Variants in NR2F2 observed in about 807,000 individuals in gnomAD.
NR2F2 encodes COUP transcription factor 2.
A neutral mutation model predicts 34.8 loss-of-function variants in NR2F2; 2 were observed. That is an observed-to-expected ratio of 0.06 (90% CI 0.02 to 0.18). The LOEUF (loss-of-function observed/expected upper bound fraction) is 0.18. Ranked by LOEUF, NR2F2 falls within the 10% of genes least tolerant of loss-of-function variation. The pLI, the probability that NR2F2 is intolerant of heterozygous loss-of-function variation, is 1.00. For missense variants in NR2F2, 300 were observed against 580.1 expected (o/e 0.52, Z 4.96); for synonymous variants, 274 against 251.8 (o/e 1.09, Z -0.84).
chr15:96,331,737 C>T lies in NR2F2; in HGVS notation c.-369C>T. 1 of 1,054,026 alleles carries T rather than the reference C, an allele frequency of 9.5e-7. No individual in the cohort carries two copies. The highest frequency in any genetic ancestry group is 1.2e-6 in the Non-Finnish European group (1 of 833,176). The allele number at this position is 1,054,026 out of a possible 1,614,324, so 65.3% of individuals were successfully genotyped here. ...TTCTGTCTTGAAGCCAGACAATCGA[C>T]TTCAGCTCTCCCTCCCCTCCCTCTT... On this transcript the variant is annotated 5_prime_UTR_variant, in exon 1 of 3. Coordinates refer to ENST00000394166, the MANE Select transcript of NR2F2 (RefSeq NM_021005.4).
chr15:96,327,826 G>A (rs1325019872), upstream of NR2F2, among the ~76,000 whole-genome samples: 2 of 152,176 alleles, frequency 1.3e-5, no homozygotes, highest in African/African-American at 2.4e-5. Context: ...ATTCCTGGGT[G>A]TTGAGTTTCT....
chr15:96,329,999 A>G (rs1330170899), upstream of NR2F2, among the ~76,000 whole-genome samples: 3 of 152,178 alleles, frequency 2.0e-5, no homozygotes, highest in Non-Finnish European at 2.9e-5. Context: ...TATATATGTC[A>G]CCAAACCGAA....
rs1319378417 is a variant in NR2F2 at position 96,339,543 on chromosome 15, G to A, written c.*1921G>A. The A allele has an allele frequency of 6.6e-6, 1 of 152,010 alleles. No individual in the cohort carries two copies. The highest frequency in any genetic ancestry group is 1.5e-5 in the Non-Finnish European group (1 of 68,022). The allele number at this position is 152,010 out of a possible 1,614,324, so 9.4% of individuals were successfully genotyped here. On this transcript the variant is annotated 3_prime_UTR_variant, in exon 3 of 3. Coordinates refer to ENST00000394166, the MANE Select transcript of NR2F2 (RefSeq NM_021005.4). ...GGAGTTATGTACATAAAAACACATC[G>A]ACATTTTGACATTTCAGATTGTGTG...
At position 96,331,774 on chromosome 15, in the gene NR2F2, T is replaced by C. The variant is rs1899151468; in HGVS notation, c.-332T>C. The stretch of plus-strand genomic sequence containing the variant: ...CTCCCCTCCCTCTTTCTCCACGTTC[T>C]GCTCCCACTCGCTCTCCTGTCCCCT... On this transcript the variant is annotated 5_prime_UTR_variant, in exon 1 of 3. Coordinates refer to ENST00000394166, the MANE Select transcript of NR2F2 (RefSeq NM_021005.4). 1 of 1,176,918 alleles carries C rather than the reference T, an allele frequency of 8.5e-7. No individual in the cohort carries two copies. Among genetic ancestry groups the C allele is most frequent in the Non-Finnish European group, 1.1e-6 (1 of 945,984 alleles). 72.9% of individuals were successfully genotyped at this position (1,176,918 alleles called of 1,614,324 possible).
chr15:96,331,368 G>A lies in NR2F2; in HGVS notation c.-738G>A. ...TTCATGCTGATTCCCCCGGACCCGG[G>A]CAGCGCTCCGGCCACTCCGCGGGCC... On this transcript the variant is annotated 5_prime_UTR_variant, in exon 1 of 3. Transcript: ENST00000394166. 1 of 1,220,216 alleles carries A rather than the reference G, an allele frequency of 8.2e-7. No homozygotes were observed. Among genetic ancestry groups the A allele is most frequent in the Non-Finnish European group, 1.0e-6 (1 of 980,690 alleles). 75.6% of individuals were successfully genotyped at this position (1,220,216 alleles called of 1,614,324 possible). A position where few individuals can be genotyped will look rare whatever the true frequency, so the allele number is the denominator to read the frequency against.
Position 96,334,288 on chromosome 15 carries a change from A to G in NR2F2, c.655A>G (p.Met219Val). Residue 219 changes from methionine to valine, a missense_variant, in exon 2 of 3, where the codon ATG (methionine) becomes GTG (valine). Met to Val is a conservative substitution (Grantham distance 21). Coordinates refer to ENST00000394166, the MANE Select transcript of NR2F2 (RefSeq NM_021005.4). Reference protein sequence around the residue: ...IENICELAARMLFSAVEWARN... With the variant: ...IENICELAARVLFSAVEWARN... ...GAACATTTGCGAACTGGCCGCGAGG[A>G]TGCTCTTCAGCGCCGTCGAGTGGGC... 6.2e-7 allele frequency: 1 copy of G among 1,614,206 alleles called. No homozygotes were observed. Among genetic ancestry groups the G allele is most frequent in the Non-Finnish European group, 8.5e-7 (1 of 1,180,042 alleles).
chr15:96,334,678 C>T, intron 2 of NR2F2, 75 bp downstream of exon 2: 1 of 1,481,220 alleles, frequency 6.8e-7, no homozygotes, highest in Non-Finnish European at 9.1e-7. Flanking sequence ...TTGGGAGTCC[C>T]CAGGGCAAAC....
In NR2F2 at chr15:96,337,821, T is replaced by TA. The variant is rs71803791; in HGVS notation, c.*214dup. 6,701 of 178,374 alleles carry TA rather than the reference T, an allele frequency of 0.038. 95 individuals are homozygous for TA. The highest frequency in any genetic ancestry group is 0.088 in the Admixed American group (1,405 of 15,886). 11.0% of individuals were successfully genotyped at this position (178,374 alleles called of 1,614,324 possible). A position where few individuals can be genotyped will look rare whatever the true frequency, so the allele number is the denominator to read the frequency against. Reference sequence around the variant, plus strand: ...TCAAATGAACTTTTACAGAATGCATTAAAAAAAAAAAAAAACTCCTGTGTC... The same window carrying TA: ...TCAAATGAACTTTTACAGAATGCATTAAAAAAAAAAAAAAAACTCCTGTGTC... On this transcript the variant is annotated 3_prime_UTR_variant, in exon 3 of 3. Transcript: ENST00000394166.
At position 96,332,259 on chromosome 15, in the gene NR2F2, C is replaced by A; in HGVS notation, c.154C>A (p.Pro52Thr). The change falls in exon 1 of 3, where the codon CCA (proline) becomes ACA (threonine). Residue 52 changes from proline (P) to threonine (T), a missense_variant. Pro to Thr is a conservative substitution (Grantham distance 38). This residue lies in a region of NR2F2 where 105 missense variants were observed against 107.8 expected (regional missense o/e 0.97). Transcript: ENST00000394166. ...CGGCCAAGGGGGCCCAGCCAGCACG[C>A]CAGCCCAGACGGCGGCCGGTGGCCA... ...TPGQGGPAST[P>T]AQTAAGGQGG... is the part of the protein sequence containing the mutation. The A allele has an allele frequency of 6.5e-7, 1 of 1,545,390 alleles. No individual in the cohort carries two copies. The highest frequency in any genetic ancestry group is 8.7e-7 in the Non-Finnish European group (1 of 1,146,496).
rs917194109 is a variant in NR2F2, at chr15:96,338,459, T to C, written c.*837T>C. On this transcript the variant is annotated 3_prime_UTR_variant, in exon 3 of 3. Coordinates refer to ENST00000394166, the MANE Select transcript of NR2F2 (RefSeq NM_021005.4). ...GAGGTTTTGAATAAAAAGTGAACTT[T>C]TGTAATTTGAATTGGGTCCCGCTTA... The C allele has an allele frequency of 1.3e-5, 2 of 152,666 alleles. No homozygotes were observed. Among genetic ancestry groups the C allele is most frequent in the African/African-American group, 4.8e-5 (2 of 41,466 alleles). 9.5% of individuals were successfully genotyped at this position (152,666 alleles called of 1,614,324 possible). A position where few individuals can be genotyped will look rare whatever the true frequency, so the allele number is the denominator to read the frequency against.
chr15:96,337,665 G>A lies in NR2F2; in HGVS notation c.*43G>A. On this transcript the variant is annotated 3_prime_UTR_variant, in exon 3 of 3. Coordinates refer to ENST00000394166, the MANE Select transcript of NR2F2 (RefSeq NM_021005.4). ...GGGGAGTGAAACAGAGAAAGAAAAG[G>A]CAAAAGACTGGTTTGTTTGCTTAAT... 2 of 1,574,694 alleles carry A rather than the reference G, an allele frequency of 1.3e-6. No individual in the cohort carries two copies. The highest frequency in any genetic ancestry group is 8.6e-7 in the Non-Finnish European group (1 of 1,156,652).
chr15:96,326,391 T>C (rs1478012897), upstream of NR2F2: 1 of 1,540,322 alleles, frequency 6.5e-7, no homozygotes, highest in Non-Finnish European at 9.0e-7. The surrounding 1 kb of genome is among the most constrained non-coding windows in gnomAD (Gnocchi z 5.5). Flanking sequence ...CTCTCTTTCC[T>C]TTCTCACTTT....
chr15:96,337,651 C>CA lies in NR2F2; in HGVS notation c.*30dup. 6.3e-7 allele frequency: 1 copy of CA among 1,596,258 alleles called. No homozygotes were observed. The highest frequency in any genetic ancestry group is 1.4e-5 in the African/African-American group (1 of 73,900). ...AATAAAATAAGAAGGGGGAGTGAAA[C>CA]AGAGAAAGAAAAGGCAAAAGACTGG... is the stretch of plus-strand genomic sequence containing the variant. On this transcript the variant is annotated 3_prime_UTR_variant, in exon 3 of 3. Coordinates refer to ENST00000394166, the MANE Select transcript of NR2F2 (RefSeq NM_021005.4).
chr15:96,329,546 T>G (rs974932747), upstream of NR2F2, among the ~76,000 whole-genome samples: 3 of 152,208 alleles, frequency 2.0e-5, no homozygotes, highest in African/African-American at 4.8e-5. Flanking sequence ...TAAAAGGAAC[T>G]TGAGGAACAA....
Position 96,331,432 on chromosome 15 carries a change from G to A in NR2F2, c.-674G>A. On this transcript the variant is annotated 5_prime_UTR_variant, in exon 1 of 3. Transcript: ENST00000394166. ...CCGGCCTGCCTGGCTCCCTGGGCGCGCCCGCACCCGGCGCCTCCGATCTCC... is the reference window on the plus strand; with the variant it reads ...CCGGCCTGCCTGGCTCCCTGGGCGCACCCGCACCCGGCGCCTCCGATCTCC... The A allele has an allele frequency of 8.1e-7, 1 of 1,231,082 alleles. No individual in the cohort carries two copies. Among genetic ancestry groups the A allele is most frequent in the Admixed American group, 4.2e-5 (1 of 23,644 alleles). 76.3% of individuals were successfully genotyped at this position (1,231,082 alleles called of 1,614,324 possible). A position where few individuals can be genotyped will look rare whatever the true frequency, so the allele number is the denominator to read the frequency against.
chr15:96,331,657 GGA>G lies in NR2F2; in HGVS notation c.-443_-442del, dbSNP rs898845007. 2.6e-6 allele frequency: 3 copies of G among 1,143,756 alleles called. No homozygotes were observed. Among genetic ancestry groups the G allele is most frequent in the South Asian group, 4.5e-5 (1 of 22,316 alleles). The allele number at this position is 1,143,756 out of a possible 1,614,324, so 70.9% of individuals were successfully genotyped here. A position where few individuals can be genotyped will look rare whatever the true frequency, so the allele number is the denominator to read the frequency against. On this transcript the variant is annotated 5_prime_UTR_variant, in exon 1 of 3. Coordinates refer to ENST00000394166, the MANE Select transcript of NR2F2 (RefSeq NM_021005.4). Reference sequence around the variant, plus strand: ...GAGCGAGAGTGAACGAGAGAGGGAGGGAGAGAGTGAGAGCGAGCGAGATCTTT... The same window carrying G: ...GAGCGAGAGTGAACGAGAGAGGGAGGGAGAGTGAGAGCGAGCGAGATCTTT...
In NR2F2 at chr15:96,337,693, C is replaced by A; in HGVS notation, c.*71C>A. ...AAAGACTGGTTTGTTTGCTTAATTT[C>A]CTTCTGTTAAGAAAGGATATAAAAG... On this transcript the variant is annotated 3_prime_UTR_variant, in exon 3 of 3. Coordinates refer to ENST00000394166, the MANE Select transcript of NR2F2 (RefSeq NM_021005.4). 1 of 1,480,724 alleles carries A rather than the reference C, an allele frequency of 6.8e-7. No homozygotes were observed. The allele number at this position is 1,480,724 out of a possible 1,614,324, so 91.7% of individuals were successfully genotyped here. A position where few individuals can be genotyped will look rare whatever the true frequency, so the allele number is the denominator to read the frequency against.
At chr15:96,328,173 T>C (rs1899042050), upstream of NR2F2, among the ~76,000 whole-genome samples, 1 of 152,176 alleles carries the variant, frequency 6.6e-6, no homozygotes, top group African/African-American at 2.4e-5. Flanking sequence ...ACTGAATGAG[T>C]CCTAAAATAC....
In NR2F2 at chr15:96,331,690, GAT is replaced by G; in HGVS notation, c.-415_-414del. The stretch of plus-strand genomic sequence containing the variant: ...TGAGAGCGAGCGAGATCTTTGGAGA[GAT>G]TTTTTTTTTTGCCTCCTACTTCTGT... On this transcript the variant is annotated 5_prime_UTR_variant, in exon 1 of 3. Coordinates refer to ENST00000394166, the MANE Select transcript of NR2F2 (RefSeq NM_021005.4). 1 of 1,058,450 alleles carries G rather than the reference GAT, an allele frequency of 9.4e-7. No individual in the cohort carries two copies. The highest frequency in any genetic ancestry group is 4.9e-5 in the South Asian group (1 of 20,252). The allele number at this position is 1,058,450 out of a possible 1,614,324, so 65.6% of individuals were successfully genotyped here. A position where few individuals can be genotyped will look rare whatever the true frequency, so the allele number is the denominator to read the frequency against.
Sources: gnomAD v4.1 joint callset for allele counts (sites outside exome capture counted in the v4.1 genomes callset) on GRCh38, gnomAD v4.1.1 for gene constraint, gnomAD v4.1.1 regional missense constraint, Gnocchi (gnomAD v3.1) non-coding constraint, MANE v1.5 for transcripts, NCBI Gene and HGNC (gene_info 2026-07-23, HGNC 2026-07-21) for gene names.